GDF10: variants seen among roughly 807,000 people sequenced by gnomAD.
GDF10 encodes growth differentiation factor 10.
Under a neutral mutation model 32.1 loss-of-function variants are expected in GDF10, and 23 were observed. The ratio of observed to expected loss-of-function variants is 0.72; its 90% confidence interval spans 0.52 to 1.02. The LOEUF is 1.02. Among genes scored for constraint, GDF10 ranks in the 50% least tolerant of loss-of-function variants. The pLI, the probability that GDF10 is intolerant of heterozygous loss-of-function variation, is 0.00. For synonymous variants in GDF10, 328 were observed against 303.1 expected, an observed-to-expected ratio of 1.08 and a Z score of -0.85; for missense variants, 764 against 673.9, an observed-to-expected ratio of 1.13 and a Z score of -1.48.
intron 2 of GDF10, among the ~76,000 whole-genome samples, chr10:47,311,131 G>T (rs2061044809): frequency 6.6e-6 from 1 of 152,190 alleles, no homozygotes; most frequent in Admixed American, 6.5e-5. Flanking sequence ...TCCCAGCCTG[G>T]ACCCCAGAGT....
intron 2 of GDF10, among the ~76,000 whole-genome samples, chr10:47,311,477 C>T (rs1444846375): frequency 6.6e-6 from 1 of 152,210 alleles, no homozygotes; most frequent in East Asian, 1.9e-4. Flanking sequence ...CCTTTCCCTC[C>T]AAGAAAAGAA....
In GDF10 at chr10:47,300,726, G is replaced by T; in HGVS notation, c.75G>T (p.Leu25=). The T allele has an allele frequency of 6.3e-7, 1 of 1,584,258 alleles. No homozygotes were observed. The change falls in exon 1 of 3, where the codon CTG becomes CTT. Residue 25 remains leucine, a synonymous_variant. Transcript: ENST00000580279. ...TGCTGCTGCTGCTGCCGTTGTTTCT[G>T]CTGTTGCTCCGGGATGTGGCCGGCA... The part of the protein sequence containing the change: ...QLLLLLLPLF[L]LLLRDVAGSH...
chr10:47,312,238 G>GC (rs1555207830), intron 2 of GDF10, among the ~76,000 whole-genome samples: 2 of 152,182 alleles, frequency 1.3e-5, no homozygotes, highest in African/African-American at 4.8e-5. Flanking sequence ...CTGGCATCTC[G>GC]CTGGGTTTTC....
Position 47,310,379 on chromosome 10 carries a change from C to A in GDF10, c.903C>A (p.Asn301Lys), listed in dbSNP as rs375971069. Reference sequence around the variant, plus strand: ...AGGCCACTGGGCCCCTCCAGGACAACGAGCTGCCGGGGCTGGATGAGAGGC... The same window carrying A: ...AGGCCACTGGGCCCCTCCAGGACAAAGAGCTGCCGGGGCTGGATGAGAGGC... The part of the protein sequence containing the change: ...AAQATGPLQD[N>K]ELPGLDERPP... Residue 301 changes from asparagine (N) to lysine (K), a missense_variant, in exon 2 of 3, where the codon AAC (asparagine) becomes AAA (lysine). By Grantham distance (94) the Asn-to-Lys change is moderately conservative (BLOSUM62 0). Coordinates refer to ENST00000580279, the MANE Select transcript of GDF10 (RefSeq NM_004962.5). 6.2e-7 allele frequency: 1 copy of A among 1,607,520 alleles called. No homozygotes were observed. Among genetic ancestry groups the A allele is most frequent in the South Asian group, 1.1e-5 (1 of 90,496 alleles).
chr10:47,301,175 G>A (rs1194907944), intron 1 of GDF10, among the ~76,000 whole-genome samples: 3 of 152,260 alleles, frequency 2.0e-5, no homozygotes, highest in African/African-American at 7.2e-5. Context: ...GTGGCACAGA[G>A]GTCCTGCCCC....
At chr10:47,308,156 C>G (rs1258997271) in intron 1 of GDF10, among the ~76,000 whole-genome samples, 5 of 152,230 alleles carry the variant, frequency 3.3e-5, no homozygotes, top group African/African-American at 1.2e-4. Context: ...ACCGCTACCA[C>G]CGGAGTGAGC....
At chr10:47,303,910 T>G (rs2132221103) in intron 1 of GDF10, among the ~76,000 whole-genome samples, 1 of 152,334 alleles carries the variant, frequency 6.6e-6, no homozygotes, top group Non-Finnish European at 1.5e-5. Context: ...TGCTGTAAGC[T>G]CAGGGAGCAC....
In GDF10 at chr10:47,300,771, G is replaced by T. The variant is rs369804412; in HGVS notation, c.120G>T (p.Trp40Cys). Residue 40 changes from tryptophan (W) to cysteine (C), a missense_variant, in exon 1 of 3, where the codon TGG (tryptophan) becomes TGT (cysteine). Coordinates refer to ENST00000580279, the MANE Select transcript of GDF10 (RefSeq NM_004962.5). ...CCGGCAGCCACAGGGCCCCCGCCTG[G>T]TCCGCACTGCCCGCGGCCGCCGACG... ...DVAGSHRAPA[W>C]SALPAAADGL... 1.3e-6 allele frequency: 2 copies of T among 1,570,844 alleles called. No individual in the cohort carries two copies. Among genetic ancestry groups the T allele is most frequent in the Non-Finnish European group, 1.7e-6 (2 of 1,162,970 alleles).
intron 1 of GDF10, among the ~76,000 whole-genome samples, chr10:47,306,044 C>T (rs1588843400): frequency 6.6e-6 from 1 of 152,142 alleles, no homozygotes; most frequent in East Asian, 1.9e-4. Context: ...GCCCCGACTC[C>T]ACCCCTTGCC....
Position 47,310,795 on chromosome 10 carries a change from G to A in GDF10, c.1245+74G>A, listed in dbSNP as rs145588033. The A allele has an allele frequency of 2.3e-4, 233 of 1,015,342 alleles. 2 individuals carry two copies. In the East Asian group the frequency reaches 5.5e-3, roughly 24 times the overall value. The allele number at this position is 1,015,342 out of a possible 1,614,324, so 62.9% of individuals were successfully genotyped here. A position where few individuals can be genotyped will look rare whatever the true frequency, so the allele number is the denominator to read the frequency against. ...CTACCGTCAAGTTCCTCAGCCTGCAGGACTTCTGTTTCCCCATCTGCAAAA... is the reference window on the plus strand; with the variant it reads ...CTACCGTCAAGTTCCTCAGCCTGCAAGACTTCTGTTTCCCCATCTGCAAAA... On this transcript the variant is annotated intron_variant, in intron 2 of 2. Coordinates refer to ENST00000580279, the MANE Select transcript of GDF10 (RefSeq NM_004962.5).
In GDF10 at chr10:47,310,551, G is replaced by T. The variant is rs201455294; in HGVS notation, c.1075G>T (p.Glu359Ter). The change falls in exon 2 of 3, where the codon GAG becomes TAG. Residue 359 changes from glutamate to a stop codon, truncating the protein, a stop_gained. Transcript: ENST00000580279. LOFTEE classifies it high-confidence loss of function. ...MAASQVLDFD[E>*]KTMQKARRKQ... ...CGCCTCGCAGGTGCTGGACTTTGAC[G>T]AGAAGACGATGCAGAAAGCCCGGAG... is the stretch of plus-strand genomic sequence containing the variant. 1 of 1,614,084 alleles carries T rather than the reference G, an allele frequency of 6.2e-7. No homozygotes were observed. The highest frequency in any genetic ancestry group is 1.7e-5 in the Admixed American group (1 of 60,004).
chr10:47,301,736 G>C (rs192296894), intron 1 of GDF10, among the ~76,000 whole-genome samples: 213 of 152,278 alleles, frequency 1.4e-3, no homozygotes, highest in Non-Finnish European at 2.7e-3. Flanking sequence ...GGGCCACAGG[G>C]GTGGTGAGAA....
In GDF10 at chr10:47,300,846, C is replaced by T. The variant is rs781823911; in HGVS notation, c.195C>T (p.Ala65=). Residue 65 remains alanine (A), a synonymous_variant, in exon 1 of 3, where the codon GCC becomes GCT. Coordinates refer to ENST00000580279, the MANE Select transcript of GDF10 (RefSeq NM_004962.5). The part of the protein sequence containing the change: ...DLQRHPGDAA[A]TLGPSAQDMV... ...AGCGGCACCCTGGGGACGCGGCCGC[C>T]ACGTTGGGCCCCAGCGCCCAGGACA... 4 of 1,581,648 alleles carry T rather than the reference C, an allele frequency of 2.5e-6. No individual in the cohort carries two copies. Among genetic ancestry groups the T allele is most frequent in the Admixed American group, 3.5e-5 (2 of 57,850 alleles).
chr10:47,300,596 G>T lies in GDF10; in HGVS notation c.-56G>T. 1 of 1,485,752 alleles carries T rather than the reference G, an allele frequency of 6.7e-7. No homozygotes were observed. Among genetic ancestry groups the T allele is most frequent in the South Asian group, 1.3e-5 (1 of 76,696 alleles). The allele number at this position is 1,485,752 out of a possible 1,614,324, so 92.0% of individuals were successfully genotyped here. ...GAGGTCAGTCCGCAGCCTCCGGTGC[G>T]CCAGCGCTCGCCTTCCTCCTCCTGG... On this transcript the variant is annotated 5_prime_UTR_variant, in exon 1 of 3. Transcript: ENST00000580279.
At chr10:47,302,571 G>A (rs920802408) in intron 1 of GDF10, among the ~76,000 whole-genome samples, 1 of 152,224 alleles carries the variant, frequency 6.6e-6, no homozygotes, top group Non-Finnish European at 1.5e-5. Flanking sequence ...TCACAGAAAG[G>A]GGGTAGTACA....
Position 47,310,437 on chromosome 10 carries a change from C to A in GDF10, c.961C>A (p.His321Asn), listed in dbSNP as rs1415132185. The change falls in exon 2 of 3, where the codon CAC becomes AAC. Residue 321 changes from histidine (H) to asparagine (N), a missense_variant. Physicochemically the swap from His to Asn is moderately conservative, Grantham distance 68. Coordinates refer to ENST00000580279, the MANE Select transcript of GDF10 (RefSeq NM_004962.5). ...CGCCCACGCACAGCACTTCCACAAG[C>A]ACCAGCTGTGGCCCAGCCCCTTCCG... ...PRAHAQHFHK[H>N]QLWPSPFRAL... 6.2e-7 allele frequency: 1 copy of A among 1,613,036 alleles called. No homozygotes were observed. Among genetic ancestry groups the A allele is most frequent in the East Asian group, 2.2e-5 (1 of 44,872 alleles).
intron 2 of GDF10, among the ~76,000 whole-genome samples, chr10:47,311,327 C>T (rs568496764): frequency 3.9e-5 from 6 of 152,372 alleles, no homozygotes; most frequent in East Asian, 1.9e-4. Context: ...TTCTCACCTT[C>T]GCTCCAGACT....
intron 1 of GDF10, among the ~76,000 whole-genome samples, chr10:47,308,675 C>G (rs1211821013): frequency 1.3e-5 from 2 of 152,156 alleles, no homozygotes; most frequent in Non-Finnish European, 2.9e-5. Flanking sequence ...AGCCCTGCTC[C>G]TCTCCAGACG....
chr10:47,309,823 T>C lies in GDF10; in HGVS notation c.347T>C (p.Phe116Ser), dbSNP rs782083205. Residue 116 changes from phenylalanine to serine, a missense_variant, in exon 2 of 3, where the codon TTC (phenylalanine) becomes TCC (serine). Phe to Ser is a radical substitution (Grantham distance 155). Coordinates refer to ENST00000580279, the MANE Select transcript of GDF10 (RefSeq NM_004962.5). ...LEVVDQKAVY[F>S]FNLTSMQDSE... is the part of the protein sequence containing the mutation. Reference sequence around the variant, plus strand: ...GTGGTCGACCAGAAGGCCGTGTATTTCTTCAACCTGACTTCCATGCAAGAC... The same window carrying C: ...GTGGTCGACCAGAAGGCCGTGTATTCCTTCAACCTGACTTCCATGCAAGAC... The C allele has an allele frequency of 1.3e-5, 21 of 1,611,806 alleles. No individual in the cohort carries two copies. The South Asian group carries it at 2.3e-4, about 18-fold the overall frequency.
Sources: gnomAD v4.1 joint callset for allele counts (sites outside exome capture counted in the v4.1 genomes callset) on GRCh38, gnomAD v4.1.1 for gene constraint, MANE v1.5 for transcripts, NCBI Gene and HGNC (gene_info 2026-07-23, HGNC 2026-07-21) for gene names.